Variants in PI4KA observed in about 807,000 individuals in gnomAD.
PI4KA encodes PI4-kinase alpha.
PI4KA carries 122 observed loss-of-function variants against 271.4 expected under a neutral mutation model. That is an observed-to-expected ratio of 0.45 (90% CI 0.39 to 0.52). The LOEUF (loss-of-function observed/expected upper bound fraction) is 0.52. PI4KA is among the 20% of genes least tolerant of loss of function. The pLI is 0.00. For synonymous variants in PI4KA, 1,041 were observed against 1,078.8 expected (o/e 0.96, Z 0.69); for missense variants, 1,969 against 2,769.1 (o/e 0.71, Z 6.48).
chr22:20,810,989 G>T lies in PI4KA; in HGVS notation c.1049C>A (p.Ala350Asp). Reference protein sequence around the residue: ...VEEAVLKSLDAIVASVMEANP... With the variant: ...VEEAVLKSLDDIVASVMEANP... ...TACCTCCATCACACTGGCTACAATG[G>T]CATCCAAAGATTTGAGAACAGCCTC... The change falls in exon 9 of 55, where the codon GCC becomes GAC. Residue 350 changes from alanine (A) to aspartate (D), a missense_variant. This residue lies in a region of PI4KA where 540 missense variants were observed against 555.5 expected (regional missense o/e 0.97). Coordinates refer to ENST00000255882, the MANE Select transcript of PI4KA (RefSeq NM_058004.4). The T allele has an allele frequency of 6.2e-7, 1 of 1,613,388 alleles. No homozygotes were observed. Among genetic ancestry groups the T allele is most frequent in the Non-Finnish European group, 8.5e-7 (1 of 1,179,402 alleles).
At chr22:20,742,795 A>G in intron 30 of PI4KA, 31 bp from the exon 31 acceptor site, 1 of 1,611,446 alleles carries the variant, frequency 6.2e-7, no homozygotes, top group African/African-American at 1.3e-5. Flanking sequence ...GCAACTAAGC[A>G]TATAATCCAG....
At chr22:20,726,764 T>A (rs1194826174) in intron 41 of PI4KA, among the ~76,000 whole-genome samples, 2 of 152,122 alleles carry the variant, frequency 1.3e-5, no homozygotes. Context: ...GGCCTCGTGC[T>A]CCTCACTAGG....
chr22:20,746,510 G>C (rs1028764186), intron 29 of PI4KA, among the ~76,000 whole-genome samples: 8 of 152,186 alleles, frequency 5.3e-5, no homozygotes, highest in Non-Finnish European at 1.0e-4. Flanking sequence ...TTACAAATGA[G>C]AACACATATT....
At chr22:20,770,546 A>T (rs1397908334) in intron 19 of PI4KA, among the ~76,000 whole-genome samples, 1 of 138,870 alleles carries the variant, frequency 7.2e-6, no homozygotes, top group South Asian at 2.4e-4. Context: ...AGAGAGAGAG[A>T]TCGGTTTTGC....
At chr22:20,843,222 G>C (rs2147791629) in intron 1 of PI4KA, among the ~76,000 whole-genome samples, 1 of 152,260 alleles carries the variant, frequency 6.6e-6, no homozygotes, top group East Asian at 1.9e-4. Context: ...CCAGGCATGG[G>C]CTTACGCTTG....
chr22:20,838,882 G>C (rs369716491), intron 1 of PI4KA, among the ~76,000 whole-genome samples, 151 bp from the exon 2 acceptor site: 2 of 152,254 alleles, frequency 1.3e-5, no homozygotes. Flanking sequence ...TTTGAGACTA[G>C]CCTGGCCAAC....
chr22:20,772,028 A>G (rs1932897260), intron 19 of PI4KA, among the ~76,000 whole-genome samples: 1 of 152,234 alleles, frequency 6.6e-6, no homozygotes, highest in Admixed American at 6.5e-5. Context: ...GATGAGGACT[A>G]ACATTTTCTG....
intron 18 of PI4KA, 54 bp from the exon 19 acceptor site, chr22:20,793,297 A>T: frequency 1.0e-6 from 1 of 994,574 alleles, no homozygotes; most frequent in Non-Finnish European, 1.6e-6. Flanking sequence ...TTTTATTAAA[A>T]AAAAAAAACA....
chr22:20,774,948 C>A (rs552062936), intron 19 of PI4KA, among the ~76,000 whole-genome samples: 1 of 151,988 alleles, frequency 6.6e-6, no homozygotes, highest in African/African-American at 2.4e-5. Context: ...AATCTCGGTA[C>A]GGGTATACAG....
At chr22:20,752,178 G>C (rs1472687453) in intron 25 of PI4KA, among the ~76,000 whole-genome samples, 1 of 152,218 alleles carries the variant, frequency 6.6e-6, no homozygotes, top group Non-Finnish European at 1.5e-5. Flanking sequence ...CTGAAGGAGA[G>C]GTGTCTCTGC....
In PI4KA at chr22:20,799,657, G is replaced by C; in HGVS notation, c.1820+14C>G. 2 of 1,539,990 alleles carry C rather than the reference G, an allele frequency of 1.3e-6. No individual in the cohort carries two copies. The highest frequency in any genetic ancestry group is 1.8e-6 in the Non-Finnish European group (2 of 1,136,298). ...ACAATGGGCTGCCTCTGAGAGACAG[G>C]AATAGGGGCGTACTTGTCGCTCTCC... On this transcript the variant is annotated intron_variant, in intron 15 of 54. Coordinates refer to ENST00000255882, the MANE Select transcript of PI4KA (RefSeq NM_058004.4).
chr22:20,798,460 C>A, intron 17 of PI4KA, 124 bp downstream of exon 17: 1 of 736,330 alleles, frequency 1.4e-6, no homozygotes, highest in Admixed American at 2.0e-5. Flanking sequence ...TATGTGTGCA[C>A]TGATCTGTAG....
At position 20,726,674 on chromosome 22, in the gene PI4KA, G is replaced by A. The variant is rs189295748; in HGVS notation, c.4942-133C>T. On this transcript the variant is annotated intron_variant, in intron 41 of 54. Transcript: ENST00000255882. Reference sequence around the variant, plus strand: ...CTGGGGAAAGCCCAGAGGATGGCAGGCAAAATGACCGATGGCTCAGAACAC... The same window carrying A: ...CTGGGGAAAGCCCAGAGGATGGCAGACAAAATGACCGATGGCTCAGAACAC... 406 of 743,774 alleles carry A rather than the reference G, an allele frequency of 5.5e-4. 8 individuals are homozygous for A. The highest frequency in any genetic ancestry group is 4.1e-3 in the South Asian group (216 of 53,054). 46.1% of individuals were successfully genotyped at this position (743,774 alleles called of 1,614,324 possible). A position where few individuals can be genotyped will look rare whatever the true frequency, so the allele number is the denominator to read the frequency against.
intron 32 of PI4KA, among the ~76,000 whole-genome samples, chr22:20,741,368 T>G (rs1396741730): frequency 6.6e-6 from 1 of 152,194 alleles, no homozygotes; most frequent in Admixed American, 6.5e-5. Context: ...GAAGCGTGAC[T>G]TCCACAGGCC....
chr22:20,713,760 G>A (rs3888132), intron 47 of PI4KA, among the ~76,000 whole-genome samples: 4 of 152,234 alleles, frequency 2.6e-5, no homozygotes, highest in Non-Finnish European at 5.9e-5. Context: ...TGCAGACATG[G>A]CCATGGGAGG....
chr22:20,847,542 T>C (rs1411489089), intron 1 of PI4KA, among the ~76,000 whole-genome samples: 2 of 152,050 alleles, frequency 1.3e-5, no homozygotes, highest in South Asian at 2.1e-4. Context: ...CTGGGGTACA[T>C]GGTGAAACCC....
Position 20,731,571 on chromosome 22 carries a change from G to A in PI4KA, c.4288+1400C>T, listed in dbSNP as rs918323885. Among the ~76,000 whole-genome samples, 6 of 152,112 alleles carry A rather than the reference G, an allele frequency of 3.9e-5. No homozygotes were observed. In the East Asian group the frequency reaches 7.7e-4, roughly 20 times the overall value. On this transcript the variant is annotated intron_variant, in intron 36 of 54. Transcript: ENST00000255882. ...AGCACTTCAGGAGGCTGAGGCGGGCGGATCAGAAGGTCAGGAGTTTGAGAC... is the reference window on the plus strand; with the variant it reads ...AGCACTTCAGGAGGCTGAGGCGGGCAGATCAGAAGGTCAGGAGTTTGAGAC...
intron 24 of PI4KA, 38 bp from the exon 25 acceptor site, chr22:20,753,065 G>C (rs770329225): frequency 1.2e-6 from 2 of 1,614,202 alleles, no homozygotes; most frequent in East Asian, 2.2e-5. Flanking sequence ...CAGTGCCCCA[G>C]ATGCCTCCAG....
chr22:20,841,844 C>T (rs2147787013), intron 1 of PI4KA, among the ~76,000 whole-genome samples: 1 of 152,186 alleles, frequency 6.6e-6, no homozygotes, highest in Non-Finnish European at 1.5e-5. Context: ...GGGGGCTTGG[C>T]CAACCATTGC....
Sources: gnomAD v4.1 joint callset for allele counts (sites outside exome capture counted in the v4.1 genomes callset) on GRCh38, gnomAD v4.1.1 for gene constraint, gnomAD v4.1.1 regional missense constraint, MANE v1.5 for transcripts, NCBI Gene and HGNC (gene_info 2026-07-23, HGNC 2026-07-21) for gene names.